Variants in GRAMD4 observed in about 807,000 individuals in gnomAD.
GRAMD4 encodes the protein GRAM domain containing 4.
Under a neutral mutation model 83.9 loss-of-function variants are expected in GRAMD4, and 25 were observed. The ratio of observed to expected loss-of-function variants is 0.30; its 90% CI spans 0.22 to 0.42. GRAMD4 has a LOEUF of 0.42. GRAMD4 is among the 10% of genes least tolerant of loss of function. GRAMD4 has a pLI of 1.00. For synonymous variants in GRAMD4, 336 were observed against 320.9 expected (o/e 1.05, Z -0.50); for missense variants, 593 against 788.7 (o/e 0.75, Z 2.97).
rs150440566 is a variant in GRAMD4 at position 46,626,992 on chromosome 22, G to A, written c.162+31G>A. ...TACCTGTCCTCGTCCCCCGGTGTGG[G>A]CTGGGGTGTCGTCCCCGTCCTCTGT... On this transcript the variant is annotated intron_variant, in intron 2 of 18. Transcript: ENST00000406902. The A allele has an allele frequency of 2.1e-5, 32 of 1,526,122 alleles. No homozygotes were observed. The African/African-American group carries it at 4.4e-4, about 21-fold the overall frequency. 94.5% of individuals were successfully genotyped at this position (1,526,122 alleles called of 1,614,324 possible).
intron 1 of GRAMD4, among the ~76,000 whole-genome samples, chr22:46,583,941 C>T (rs1197609917): frequency 2.0e-5 from 3 of 152,176 alleles, no homozygotes; most frequent in Non-Finnish European, 4.4e-5. Flanking sequence ...ACTGATGTGG[C>T]CTTCTTCTTC....
intron 3 of GRAMD4, among the ~76,000 whole-genome samples, chr22:46,652,813 C>T (rs971898903): frequency 7.9e-5 from 12 of 152,196 alleles, no homozygotes; most frequent in African/African-American, 2.9e-4. Flanking sequence ...GAAATCGGCC[C>T]TCCTGTTTCT....
chr22:46,642,398 A>G (rs989941887), intron 3 of GRAMD4, among the ~76,000 whole-genome samples: 3 of 152,322 alleles, frequency 2.0e-5, no homozygotes, highest in Non-Finnish European at 2.9e-5. Flanking sequence ...AGATAATTCT[A>G]TTGGAATTCA....
chr22:46,673,190 A>G (rs1218560344), intron 14 of GRAMD4, among the ~76,000 whole-genome samples, 193 bp downstream of exon 14: 1 of 151,724 alleles, frequency 6.6e-6, no homozygotes, highest in Non-Finnish European at 1.5e-5. Context: ...AGCCCCTCCC[A>G]AGCCCAGGGC....
intron 3 of GRAMD4, among the ~76,000 whole-genome samples, chr22:46,646,607 C>A (rs1601626936): frequency 6.6e-6 from 1 of 152,186 alleles, no homozygotes; most frequent in East Asian, 1.9e-4. Flanking sequence ...CCTTTTGAGG[C>A]CTGATGGAGA....
Position 46,679,700 on chromosome 22 carries a change from T to G in GRAMD4, c.*2449T>G, listed in dbSNP as rs899478300. On this transcript the variant is annotated 3_prime_UTR_variant, in exon 19 of 19. Coordinates refer to ENST00000406902, the MANE Select transcript of GRAMD4 (RefSeq NM_015124.5). ...TGAAAAAAATTCTCCTGTAACATTTTTTTAAGAAAACTTTGTTTGTTTAAA... is the reference window on the plus strand; with the variant it reads ...TGAAAAAAATTCTCCTGTAACATTTGTTTAAGAAAACTTTGTTTGTTTAAA... 25 of 977,298 alleles carry G rather than the reference T, an allele frequency of 2.6e-5. No homozygotes were observed. The highest frequency in any genetic ancestry group is 2.8e-5 in the Non-Finnish European group (23 of 822,432). 60.5% of individuals were successfully genotyped at this position (977,298 alleles called of 1,614,324 possible).
intron 1 of GRAMD4, among the ~76,000 whole-genome samples, chr22:46,614,026 A>G (rs1298267230): frequency 1.3e-5 from 2 of 152,250 alleles, no homozygotes; most frequent in Admixed American, 1.3e-4. Context: ...GCGGGTTCCC[A>G]GGAGCTGATT....
In GRAMD4 at chr22:46,677,852, C is replaced by T. The variant is rs1031393664; in HGVS notation, c.*601C>T. On this transcript the variant is annotated 3_prime_UTR_variant, in exon 19 of 19. Coordinates refer to ENST00000406902, the MANE Select transcript of GRAMD4 (RefSeq NM_015124.5). ...GGGCCGGGCGCAGTGACCCTGCCTG[C>T]GCTCCACACTCGCTCCACGGGAACA... 5.3e-5 allele frequency: 52 copies of T among 985,322 alleles called. No individual in the cohort carries two copies. Among genetic ancestry groups the T allele is most frequent in the African/African-American group, 3.7e-4 (21 of 57,222 alleles). 61.0% of individuals were successfully genotyped at this position (985,322 alleles called of 1,614,324 possible).
intron 1 of GRAMD4, among the ~76,000 whole-genome samples, chr22:46,624,340 T>A (rs1321310059): frequency 1.5e-5 from 2 of 131,486 alleles, no homozygotes; most frequent in African/African-American, 6.1e-5. Context: ...TTTTTTTTTT[T>A]TTTTTTTTTC....
chr22:46,672,698 A>C lies in GRAMD4; in HGVS notation c.1085-145A>C. 1 of 642,578 alleles carries C rather than the reference A, an allele frequency of 1.6e-6. No individual in the cohort carries two copies. Among genetic ancestry groups the C allele is most frequent in the Non-Finnish European group, 2.7e-6 (1 of 366,100 alleles). 39.8% of individuals were successfully genotyped at this position (642,578 alleles called of 1,614,324 possible). On this transcript the variant is annotated intron_variant, in intron 13 of 18. Transcript: ENST00000406902. The surrounding 1 kb of genome is among the most constrained non-coding windows in gnomAD (Gnocchi z 4.7). ...GAGGCTGGGGGTATCCAGGGTGAGG[A>C]CTGAGCGAGCAGCTGGACTCTCACA...
At position 46,678,944 on chromosome 22, in the gene GRAMD4, C is replaced by G. The variant is rs184541977; in HGVS notation, c.*1693C>G. 2.0e-6 allele frequency: 2 copies of G among 985,672 alleles called. No homozygotes were observed. Among genetic ancestry groups the G allele is most frequent in the Non-Finnish European group, 2.4e-6 (2 of 830,002 alleles). 61.1% of individuals were successfully genotyped at this position (985,672 alleles called of 1,614,324 possible). On this transcript the variant is annotated 3_prime_UTR_variant, in exon 19 of 19. Transcript: ENST00000406902. ...CGTTGGCGTCAGGATGACCACACGG[C>G]GGCCTTTCCCGAATGGGGACAGAAC...
chr22:46,675,592 C>A, intron 17 of GRAMD4, 40 bp downstream of exon 17: 1 of 1,271,058 alleles, frequency 7.9e-7, no homozygotes, highest in Non-Finnish European at 1.2e-6. Context: ...CCCGTGTTTT[C>A]TTCGTCACCT....
chr22:46,667,677 G>A (rs6008948), intron 10 of GRAMD4, among the ~76,000 whole-genome samples: 12,941 of 152,316 alleles, frequency 0.085, 701 homozygotes, highest in African/African-American at 0.15. Context: ...GCAAGTACCT[G>A]GAGGAGGCAG....
intron 1 of GRAMD4, among the ~76,000 whole-genome samples, chr22:46,605,249 C>T (rs531810461): frequency 2.6e-5 from 4 of 152,052 alleles, no homozygotes; most frequent in Non-Finnish European, 2.9e-5. Context: ...TAATATTCTC[C>T]GGGTTCACCC....
At chr22:46,662,456 G>A (rs1439020290) in intron 5 of GRAMD4, among the ~76,000 whole-genome samples, 1 of 152,246 alleles carries the variant, frequency 6.6e-6, no homozygotes, top group African/African-American at 2.4e-5. Context: ...CCGCCGTGGA[G>A]GCTGCTTTCC....
In GRAMD4 at chr22:46,676,636, G is replaced by A; in HGVS notation, c.1600G>A (p.Gly534Arg). 6.5e-7 allele frequency: 1 copy of A among 1,549,144 alleles called. No homozygotes were observed. Among genetic ancestry groups the A allele is most frequent in the Non-Finnish European group, 8.7e-7 (1 of 1,146,982 alleles). Residue 534 changes from glycine (G) to arginine (R), a missense_variant, in exon 18 of 19, where the codon GGG (glycine) becomes AGG (arginine). This residue lies in a region of GRAMD4 where 74 missense variants were observed against 152.7 expected (regional missense o/e 0.48). Coordinates refer to ENST00000406902, the MANE Select transcript of GRAMD4 (RefSeq NM_015124.5). ...VLSVLPGSGM[G>R]IAVSTPSTQK... ...GTCTGTCCTCCCAGGCTCAGGCATG[G>A]GGATTGCCGTGTCGACGCCATCCAC...
intron 15 of GRAMD4, among the ~76,000 whole-genome samples, chr22:46,674,179 G>T (rs2082559106): frequency 2.6e-5 from 4 of 152,226 alleles, no homozygotes; most frequent in Non-Finnish European, 5.9e-5. Context: ...GCCACCAGGG[G>T]ACAGGTGACT....
At chr22:46,598,804 G>C (rs1358149076) in intron 1 of GRAMD4, among the ~76,000 whole-genome samples, 1 of 152,184 alleles carries the variant, frequency 6.6e-6, no homozygotes, top group African/African-American at 2.4e-5. Context: ...GGGGAAGGAT[G>C]GAGCTGGCCT....
At chr22:46,596,201 C>G (rs2081260628) in intron 1 of GRAMD4, among the ~76,000 whole-genome samples, 1 of 152,256 alleles carries the variant, frequency 6.6e-6, no homozygotes, top group African/African-American at 2.4e-5. Context: ...TGCCCAGCCC[C>G]CTGCTTCCCG....
Sources: gnomAD v4.1 joint callset for allele counts (sites outside exome capture counted in the v4.1 genomes callset) on GRCh38, gnomAD v4.1.1 for gene constraint, gnomAD v4.1.1 regional missense constraint, Gnocchi (gnomAD v3.1) non-coding constraint, MANE v1.5 for transcripts, NCBI Gene and HGNC (gene_info 2026-07-23, HGNC 2026-07-21) for gene names.